EVI5: variants seen among roughly 807,000 people sequenced by gnomAD.
The protein encoded by EVI5 is ecotropic viral integration site 5 protein homolog.
A neutral mutation model predicts 112.0 loss-of-function variants in EVI5; 73 were observed. The ratio of observed to expected loss-of-function variants is 0.65; its 90% confidence interval spans 0.54 to 0.79. The LOEUF is 0.79. Among genes scored for constraint, EVI5 ranks in the 30% least tolerant of loss-of-function variants. The probability of loss-of-function intolerance (pLI) is 0.00; values close to 1 mark genes in which losing one functional copy is unlikely to be tolerated. For missense variants in EVI5, 900 were observed against 968.8 expected, an observed-to-expected ratio of 0.93 and a Z score of 0.94; for synonymous variants, 305 against 319.9, an observed-to-expected ratio of 0.95 and a Z score of 0.50.
intron 19 of EVI5, among the ~76,000 whole-genome samples, chr1:92,561,993 G>A (rs1044317755): frequency 5.9e-5 from 9 of 152,134 alleles, no homozygotes; most frequent in Non-Finnish European, 1.2e-4. Flanking sequence ...TTTGTTGACT[G>A]ACTTTTACAT....
chr1:92,541,937 T>G (rs1450007742), intron 19 of EVI5, among the ~76,000 whole-genome samples: 3 of 152,244 alleles, frequency 2.0e-5, no homozygotes, highest in Admixed American at 6.5e-5. Context: ...TGGATCTTTT[T>G]GCTGGTGGAG....
intron 19 of EVI5, among the ~76,000 whole-genome samples, chr1:92,538,485 C>T (rs565569859): frequency 2.0e-5 from 3 of 152,152 alleles, no homozygotes; most frequent in South Asian, 2.1e-4. Context: ...AGAGGAAATT[C>T]TTGTTCTCTA....
chr1:92,726,627 CATT>C (rs1417985588), intron 2 of EVI5, among the ~76,000 whole-genome samples: 1 of 152,034 alleles, frequency 6.6e-6, no homozygotes, highest in African/African-American at 2.4e-5. Context: ...GACAGAAGAG[CATT>C]AGAAATGGTA....
chr1:92,770,517 G>A lies in EVI5; in HGVS notation c.-82+14319C>T, dbSNP rs541362907. ...AGATATAAAAAGAAACTGGCCAGGC[G>A]AGGTGGCTCACGCCTGTAATCCCAG... On this transcript the variant is annotated intron_variant, in intron 1 of 19. Transcript: ENST00000684568. 6.2e-4 allele frequency among the ~76,000 whole-genome samples: 94 copies of A among 152,256 alleles called. No homozygotes were observed. In the South Asian group the frequency reaches 8.1e-3, roughly 13 times the overall value.
intron 2 of EVI5, among the ~76,000 whole-genome samples, chr1:92,713,668 T>C (rs1288511383): frequency 1.3e-5 from 2 of 152,006 alleles, no homozygotes; most frequent in Non-Finnish European, 2.9e-5. Context: ...TCCCAGCTAC[T>C]TGGGAGGCTG....
intron 18 of EVI5, among the ~76,000 whole-genome samples, chr1:92,594,637 G>T (rs1468167069): frequency 6.8e-6 from 1 of 146,202 alleles, no homozygotes; most frequent in African/African-American, 2.8e-5. Flanking sequence ...GCAGCCTACA[G>T]AATGGGAGAA....
chr1:92,693,903 A>G lies in EVI5; in HGVS notation c.1000-4T>C. On this transcript the variant is annotated splice_polypyrimidine_tract_variant and splice_region_variant and intron_variant, in intron 8 of 19. Coordinates refer to ENST00000684568, the MANE Select transcript of EVI5 (RefSeq NM_001350197.2). ...GTGGAATGACCTTTTGAAAGTGCTA[A>G]GATACAATTAAAAAAAAAACATAAG... 1 of 1,515,876 alleles carries G rather than the reference A, an allele frequency of 6.6e-7. No individual in the cohort carries two copies. 93.9% of individuals were successfully genotyped at this position (1,515,876 alleles called of 1,614,324 possible). A position where few individuals can be genotyped will look rare whatever the true frequency, so the allele number is the denominator to read the frequency against.
intron 13 of EVI5, among the ~76,000 whole-genome samples, chr1:92,640,122 T>C (rs976508373): frequency 2.0e-5 from 3 of 152,182 alleles, no homozygotes; most frequent in Non-Finnish European, 2.9e-5. Flanking sequence ...TCAAGATGGA[T>C]TGAAGACTTA....
In EVI5 at chr1:92,578,016, C is replaced by T. The variant is rs535402790; in HGVS notation, c.2071-14279G>A. 2.9e-4 allele frequency among the ~76,000 whole-genome samples: 44 copies of T among 152,100 alleles called. 1 individual carries two copies. The highest frequency in any genetic ancestry group is 9.2e-4 in the Admixed American group (14 of 15,272). ...CCCTGTAAGGAAAGGCGCTATGGTG[C>T]TATATTTCATTTACTAGTGATAAAC... On this transcript the variant is annotated intron_variant, in intron 18 of 19. Transcript: ENST00000684568.
At chr1:92,781,644 C>T (rs1210747547) in intron 1 of EVI5, among the ~76,000 whole-genome samples, 1 of 151,950 alleles carries the variant, frequency 6.6e-6, no homozygotes, top group African/African-American at 2.4e-5. Flanking sequence ...ATAAAGTATA[C>T]TTCATTAAAA....
At chr1:92,691,223 ACTGTT>A (rs1300025340) in intron 9 of EVI5, among the ~76,000 whole-genome samples, 3 of 152,222 alleles carry the variant, frequency 2.0e-5, no homozygotes, top group Non-Finnish European at 4.4e-5. Context: ...TTATGGAACT[ACTGTT>A]AAGTGGTGGA....
chr1:92,692,257 A>G (rs1669606927), intron 9 of EVI5, among the ~76,000 whole-genome samples: 1 of 152,254 alleles, frequency 6.6e-6, no homozygotes, highest in Admixed American at 6.5e-5. Flanking sequence ...GATCTATGCA[A>G]GGAGAATTAG....
intron 13 of EVI5, among the ~76,000 whole-genome samples, chr1:92,651,206 G>A (rs998893546): frequency 2.0e-5 from 3 of 152,096 alleles, no homozygotes; most frequent in Non-Finnish European, 4.4e-5. Context: ...ATATGAATAA[G>A]TTCATTCCAT....
intron 9 of EVI5, 95 bp downstream of exon 9, chr1:92,693,702 GAAGAA>G (rs1669853430): frequency 7.6e-6 from 5 of 661,704 alleles, no homozygotes; most frequent in Non-Finnish European, 1.3e-5. Context: ...CAATACCACC[GAAGAA>G]AATAATATAG....
At chr1:92,770,724 A>T (rs1246803559) in intron 1 of EVI5, among the ~76,000 whole-genome samples, 1 of 151,358 alleles carries the variant, frequency 6.6e-6, no homozygotes, top group African/African-American at 2.4e-5. Flanking sequence ...CGGGAGGTGG[A>T]GGTTGCAGTG....
chr1:92,561,610 T>A (rs549997728), intron 19 of EVI5, among the ~76,000 whole-genome samples: 2,960 of 31,318 alleles, frequency 0.095, 44 homozygotes, highest in Middle Eastern at 0.12. Context: ...TAATCTATCC[T>A]ATCTATCTAT....
intron 4 of EVI5, 79 bp downstream of exon 4, chr1:92,703,316 A>G: frequency 1.2e-6 from 1 of 859,106 alleles, no homozygotes; most frequent in Non-Finnish European, 1.8e-6. Flanking sequence ...GTGGGAGGTC[A>G]TGCTTCATCA....
Position 92,577,339 on chromosome 1 carries a change from A to G in EVI5, c.2071-13602T>C, listed in dbSNP as rs551280297. Among the ~76,000 whole-genome samples the G allele has an allele frequency of 1.1e-4, 16 of 152,346 alleles. No individual in the cohort carries two copies. The South Asian group carries it at 2.9e-3, about 28-fold the overall frequency. On this transcript the variant is annotated intron_variant, in intron 18 of 19. Transcript: ENST00000684568. ...ATATGCTGGTCTGATTTGAAATATAAATTTAAGGGATTAGCTCACACCACT... is the reference window on the plus strand; with the variant it reads ...ATATGCTGGTCTGATTTGAAATATAGATTTAAGGGATTAGCTCACACCACT...
chr1:92,593,192 T>C (rs980450869), intron 18 of EVI5, among the ~76,000 whole-genome samples: 4 of 152,184 alleles, frequency 2.6e-5, no homozygotes, highest in Non-Finnish European at 5.9e-5. Context: ...GCAAACTGAA[T>C]ACAGCAGCAC....
Sources: gnomAD v4.1 joint callset for allele counts (sites outside exome capture counted in the v4.1 genomes callset) on GRCh38, gnomAD v4.1.1 for gene constraint, MANE v1.5 for transcripts, NCBI Gene and HGNC (gene_info 2026-07-23, HGNC 2026-07-21) for gene names.